ZNF546: variants seen among roughly 807,000 people sequenced by gnomAD.
ZNF546 encodes the protein zinc finger protein 546, also known as CTC-471F3.6.
Under a neutral mutation model 76.2 loss-of-function variants are expected in ZNF546, and 60 were observed. The observed-to-expected ratio is 0.79, with a 90% CI of 0.64 to 0.98. ZNF546 has a LOEUF of 0.98. Among genes scored for constraint, ZNF546 ranks in the 50% least tolerant of loss-of-function variants. The pLI, the probability that ZNF546 is intolerant of heterozygous loss-of-function variation, is 0.00. For synonymous variants in ZNF546, 277 were observed against 328.1 expected, an observed-to-expected ratio of 0.84 and a Z score of 1.68; for missense variants, 936 against 1,035.6, an observed-to-expected ratio of 0.90 and a Z score of 1.32.
In ZNF546 at chr19:40,013,872, A is replaced by G. The variant is rs17854378; in HGVS notation, c.602A>G (p.Gln201Arg). The change falls in exon 7 of 7, where the codon CAA becomes CGA. Residue 201 changes from glutamine (Q) to arginine (R), a missense_variant. Coordinates refer to ENST00000347077, the MANE Select transcript of ZNF546 (RefSeq NM_178544.5). ...GTTAGTCAAATGCTAATCCAAAAAC[A>G]AATATCTCATCCTCTACATCCAAAA... ...GCVSQMLIQK[Q>R]ISHPLHPKIH... is the part of the protein sequence containing the mutation. 1.2e-6 allele frequency: 2 copies of G among 1,607,838 alleles called. No homozygotes were observed. Among genetic ancestry groups the G allele is most frequent in the Non-Finnish European group, 1.7e-6 (2 of 1,177,070 alleles).
At position 40,005,805 on chromosome 19, in the gene ZNF546, C is replaced by T. The variant is rs559327139; in HGVS notation, c.85-291C>T. Among the ~76,000 whole-genome samples, 3 of 152,268 alleles carry T rather than the reference C, an allele frequency of 2.0e-5. No individual in the cohort carries two copies. In the East Asian group the frequency reaches 5.8e-4, roughly 29 times the overall value. ...GTTACATTATTTTAAGCCCTCATTA[C>T]CTCATCTGTTGGATGGAGATAAATG... On this transcript the variant is annotated intron_variant, in intron 3 of 6. Transcript: ENST00000347077.
In ZNF546 at chr19:40,020,617, C is replaced by T. The variant is rs1971842866; in HGVS notation, c.*4836C>T. 1 of 152,042 alleles carries T rather than the reference C, an allele frequency of 6.6e-6. No individual in the cohort carries two copies. Among genetic ancestry groups the T allele is most frequent in the Non-Finnish European group, 1.5e-5 (1 of 67,970 alleles). 9.4% of individuals were successfully genotyped at this position (152,042 alleles called of 1,614,324 possible). A position where few individuals can be genotyped will look rare whatever the true frequency, so the allele number is the denominator to read the frequency against. ...CCTTTTTTAAAAAAGTGCTTATTATCAGGCTATCAATCAAAAGATTTGAGT... is the reference window on the plus strand; with the variant it reads ...CCTTTTTTAAAAAAGTGCTTATTATTAGGCTATCAATCAAAAGATTTGAGT... On this transcript the variant is annotated 3_prime_UTR_variant, in exon 7 of 7. Transcript: ENST00000347077.
rs916714420 is a variant in ZNF546 at position 40,020,347 on chromosome 19, A to G, written c.*4566A>G. The stretch of plus-strand genomic sequence containing the variant: ...TACAAGTCATTTACTATCTAATTAT[A>G]TCATTGCTCAACATTTGCAAATTAT... On this transcript the variant is annotated 3_prime_UTR_variant, in exon 7 of 7. Transcript: ENST00000347077. 1 of 152,196 alleles carries G rather than the reference A, an allele frequency of 6.6e-6. No individual in the cohort carries two copies. The highest frequency in any genetic ancestry group is 2.4e-5 in the African/African-American group (1 of 41,464). 9.4% of individuals were successfully genotyped at this position (152,196 alleles called of 1,614,324 possible).
intron 6 of ZNF546, among the ~76,000 whole-genome samples, chr19:40,013,458 C>T (rs1247543015): frequency 6.6e-6 from 1 of 152,132 alleles, no homozygotes; most frequent in Non-Finnish European, 1.5e-5. Flanking sequence ...GACCATATGC[C>T]TCCCAAGGCC....
chr19:40,012,971 G>A (rs1394391894), intron 6 of ZNF546, among the ~76,000 whole-genome samples: 4 of 151,794 alleles, frequency 2.6e-5, no homozygotes, highest in South Asian at 2.1e-4. Context: ...CCGCCACCAC[G>A]CCTGGCTAAT....
At chr19:40,012,816 CTT>C (rs879507609) in intron 6 of ZNF546, among the ~76,000 whole-genome samples, 20 of 141,478 alleles carry the variant, frequency 1.4e-4, no homozygotes, top group Admixed American at 1.4e-4. Flanking sequence ...TTTTACCATT[CTT>C]TTTTTTTTTT....
intron 4 of ZNF546, 61 bp from the exon 5 acceptor site, chr19:40,007,213 G>C: frequency 2.9e-6 from 4 of 1,370,734 alleles, no homozygotes; most frequent in Non-Finnish European, 3.9e-6. Flanking sequence ...TTCCTGCAAA[G>C]CAGTTTTCCA....
At position 40,014,083 on chromosome 19, in the gene ZNF546, A is replaced by G; in HGVS notation, c.813A>G (p.Arg271=). 2 of 1,613,652 alleles carry G rather than the reference A, an allele frequency of 1.2e-6. No homozygotes were observed. The highest frequency in any genetic ancestry group is 1.7e-6 in the Non-Finnish European group (2 of 1,179,640). Residue 271 remains arginine, a synonymous_variant, in exon 7 of 7, where the codon AGA becomes AGG. Coordinates refer to ENST00000347077, the MANE Select transcript of ZNF546 (RefSeq NM_178544.5). ...RVHHTIHAGE[R]PYECKECGKA... ...ATCACACAATCCATGCTGGGGAGAGACCCTATGAATGTAAAGAATGTGGGA... is the reference window on the plus strand; with the variant it reads ...ATCACACAATCCATGCTGGGGAGAGGCCCTATGAATGTAAAGAATGTGGGA...
intron 2 of ZNF546, 80 bp downstream of exon 2, chr19:39,997,995 A>C (rs566017508): frequency 3.3e-5 from 9 of 268,946 alleles, no homozygotes; most frequent in African/African-American, 2.0e-4. Flanking sequence ...GCACCCAGTC[A>C]TACGGCGTGG....
chr19:40,015,816 G>A lies in ZNF546; in HGVS notation c.*35G>A, dbSNP rs1971758818. On this transcript the variant is annotated 3_prime_UTR_variant, in exon 7 of 7. Coordinates refer to ENST00000347077, the MANE Select transcript of ZNF546 (RefSeq NM_178544.5). ...GATGGCCTTTAGAAAATGCCCTTTAGCAGAGAATTTGTAATTTAAGAAATT... is the reference window on the plus strand; with the variant it reads ...GATGGCCTTTAGAAAATGCCCTTTAACAGAGAATTTGTAATTTAAGAAATT... The A allele has an allele frequency of 1.3e-6, 2 of 1,590,524 alleles. No individual in the cohort carries two copies. Among genetic ancestry groups the A allele is most frequent in the South Asian group, 2.2e-5 (2 of 89,790 alleles).
At chr19:40,006,281 T>C (rs1474394381) in intron 4 of ZNF546, 99 bp downstream of exon 4, 24 of 1,044,662 alleles carry the variant, frequency 2.3e-5, no homozygotes, top group Non-Finnish European at 3.2e-5. Context: ...GACAACCCTG[T>C]TGTGGAACCT....
intron 3 of ZNF546, among the ~76,000 whole-genome samples, chr19:40,005,623 A>C (rs1235561665): frequency 1.3e-5 from 2 of 152,042 alleles, no homozygotes; most frequent in Non-Finnish European, 2.9e-5. Flanking sequence ...CTCATGCTTA[A>C]GTTTCATTTG....
In ZNF546 at chr19:40,015,824, T is replaced by A; in HGVS notation, c.*43T>A. On this transcript the variant is annotated 3_prime_UTR_variant, in exon 7 of 7. Coordinates refer to ENST00000347077, the MANE Select transcript of ZNF546 (RefSeq NM_178544.5). ...TTAGAAAATGCCCTTTAGCAGAGAA[T>A]TTGTAATTTAAGAAATTTTCTGTTT... 1.3e-6 allele frequency: 2 copies of A among 1,580,838 alleles called. No individual in the cohort carries two copies. The highest frequency in any genetic ancestry group is 1.7e-6 in the Non-Finnish European group (2 of 1,151,900).
chr19:40,002,118 C>G (rs970199734), intron 3 of ZNF546, among the ~76,000 whole-genome samples: 1 of 152,154 alleles, frequency 6.6e-6, no homozygotes, highest in African/African-American at 2.4e-5. Flanking sequence ...CTTTAATTTG[C>G]CTGTATCAGT....
At position 40,014,124 on chromosome 19, in the gene ZNF546, A is replaced by T. The variant is rs1433668192; in HGVS notation, c.854A>T (p.His285Leu). 6.2e-7 allele frequency: 1 copy of T among 1,612,514 alleles called. No individual in the cohort carries two copies. The highest frequency in any genetic ancestry group is 8.5e-7 in the Non-Finnish European group (1 of 1,179,446). The change falls in exon 7 of 7, where the codon CAT becomes CTT. Residue 285 changes from histidine (H) to leucine (L), a missense_variant. Transcript: ENST00000347077. ...CKECGKAFRL[H>L]YHLTEHQRIH... ...GAATGTGGGAAGGCCTTTAGACTTC[A>T]TTATCACCTTACTGAACATCAGAGA...
chr19:40,005,579 C>T (rs1035149134), intron 3 of ZNF546, among the ~76,000 whole-genome samples: 1 of 151,652 alleles, frequency 6.6e-6, no homozygotes, highest in Non-Finnish European at 1.5e-5. Context: ...TTAATAAGTT[C>T]GGTGGATGAT....
At position 40,018,059 on chromosome 19, in the gene ZNF546, C is replaced by T. The variant is rs1376815871; in HGVS notation, c.*2278C>T. The T allele has an allele frequency of 4.1e-5, 6 of 147,754 alleles. No homozygotes were observed. Among genetic ancestry groups the T allele is most frequent in the African/African-American group, 1.0e-4 (4 of 39,514 alleles). 9.2% of individuals were successfully genotyped at this position (147,754 alleles called of 1,614,324 possible). ...TGCGATCTTGGCTCACTGCAAGCTC[C>T]GCCTCCCGGGTTCAGGCAATTCTGC... On this transcript the variant is annotated 3_prime_UTR_variant, in exon 7 of 7. Transcript: ENST00000347077.
intron 3 of ZNF546, among the ~76,000 whole-genome samples, chr19:40,001,536 A>G (rs1053011140): frequency 6.6e-6 from 1 of 151,792 alleles, no homozygotes; most frequent in Admixed American, 6.6e-5. Context: ...TAATTTTTGT[A>G]TTTTTAGTAG....
chr19:40,015,736 A>G lies in ZNF546; in HGVS notation c.2466A>G (p.Leu822=), dbSNP rs1971757017. Residue 822 remains leucine (L), a synonymous_variant, in exon 7 of 7, where the codon TTA becomes TTG. Coordinates refer to ENST00000347077, the MANE Select transcript of ZNF546 (RefSeq NM_178544.5). ...TTATTCGTAGTGATCAACTTACTTT[A>G]CATCAGAGAAATCATATTAGTGAGG... ...KAFIRSDQLT[L]HQRNHISEEV... The G allele has an allele frequency of 8.7e-6, 14 of 1,613,276 alleles. No homozygotes were observed. Among genetic ancestry groups the G allele is most frequent in the Non-Finnish European group, 1.2e-5 (14 of 1,179,354 alleles).
Sources: allele counts gnomAD v4.1 joint callset (sites outside exome capture counted in the v4.1 genomes callset), GRCh38; gene constraint gnomAD v4.1.1; transcripts MANE v1.5; gene names NCBI Gene and HGNC (gene_info 2026-07-23, HGNC 2026-07-21).